The following SPATS2L variants were observed in gnomAD, a reference collection of about 807,000 sequenced individuals.
The protein encoded by SPATS2L is SPATS2-like protein.
In SPATS2L, 30 loss-of-function variants were observed where a neutral mutation model predicts 59.6. That is an observed-to-expected ratio of 0.50 (90% CI 0.38 to 0.68). The LOEUF (loss-of-function observed/expected upper bound fraction) is 0.68. Among genes scored for constraint, SPATS2L ranks in the 30% least tolerant of loss-of-function variants. The pLI is 0.00. For missense variants in SPATS2L, 615 were observed against 700.0 expected, an observed-to-expected ratio of 0.88 and a Z score of 1.37; for synonymous variants, 252 against 263.5, an observed-to-expected ratio of 0.96 and a Z score of 0.42.
intron 5 of SPATS2L, among the ~76,000 whole-genome samples, chr2:200,418,233 T>C (rs1458246476): frequency 6.6e-6 from 1 of 152,130 alleles, no homozygotes; most frequent in African/African-American, 2.4e-5. Flanking sequence ...GGGGGACTTA[T>C]ATCACTTTGG....
At chr2:200,420,341 A>G (rs897535141) in intron 6 of SPATS2L, among the ~76,000 whole-genome samples, 2 of 152,238 alleles carry the variant, frequency 1.3e-5, no homozygotes, top group Non-Finnish European at 2.9e-5. Flanking sequence ...AATTTCAATA[A>G]ATAAAAATAT....
intron 2 of SPATS2L, among the ~76,000 whole-genome samples, chr2:200,348,971 A>G (rs1049281699): frequency 6.6e-6 from 1 of 151,674 alleles, no homozygotes; most frequent in Non-Finnish European, 1.5e-5. Flanking sequence ...TTTCTTGTGT[A>G]GAAAAATGGA....
At chr2:200,378,351 AG>A in intron 2 of SPATS2L, 1 of 1,002,468 alleles carries the variant, frequency 1.0e-6, no homozygotes, top group South Asian at 4.7e-5. Context: ...CCTGATTTGG[AG>A]CACGAGGAAA....
At chr2:200,423,561 G>A (rs189297043) in intron 6 of SPATS2L, among the ~76,000 whole-genome samples, 147 of 152,164 alleles carry the variant, frequency 9.7e-4, no homozygotes, top group Middle Eastern at 3.4e-3. Context: ...ATTTTATCAG[G>A]TAATGGAGAG....
chr2:200,396,011 GAAAAAAAAAAA>G lies in SPATS2L; in HGVS notation c.39+6741_39+6751del, dbSNP rs1218853084. On this transcript the variant is annotated intron_variant, in intron 3 of 12. Coordinates refer to ENST00000409140, the MANE Select transcript of SPATS2L (RefSeq NM_001100423.2). ...GGGCAAAAGAGTGAGACTCGATCTG[GAAAAAAAAAAA>G]AAAAAAAAAAAATATATATATATAT... Among the ~76,000 whole-genome samples, 3 of 10,592 alleles carry G rather than the reference GAAAAAAAAAAA, an allele frequency of 2.8e-4. No homozygotes were observed. In the South Asian group the frequency reaches 0.022, roughly 79 times the overall value. The allele number at this position is 10,592 out of a possible 152,430, so 6.9% of individuals were successfully genotyped here.
chr2:200,343,513 C>G (rs563549848), intron 2 of SPATS2L, among the ~76,000 whole-genome samples: 1 of 152,208 alleles, frequency 6.6e-6, no homozygotes, highest in South Asian at 2.1e-4. Context: ...GTATATGATG[C>G]CCTTTCTAGA....
chr2:200,374,709 C>T (rs779984631), intron 2 of SPATS2L, among the ~76,000 whole-genome samples: 5 of 152,124 alleles, frequency 3.3e-5, no homozygotes, highest in East Asian at 1.9e-4. Flanking sequence ...TTTGTCTCTA[C>T]GAATCGGCCA....
At chr2:200,423,970 AC>A (rs2083418879) in intron 6 of SPATS2L, among the ~76,000 whole-genome samples, 1 of 152,182 alleles carries the variant, frequency 6.6e-6, no homozygotes, top group Non-Finnish European at 1.5e-5. Context: ...AAAAATCACC[AC>A]CAAAAGCATC....
At chr2:200,417,849 C>T (rs552729579) in intron 5 of SPATS2L, among the ~76,000 whole-genome samples, 3 of 152,296 alleles carry the variant, frequency 2.0e-5, no homozygotes, top group South Asian at 2.1e-4. Context: ...TCAGCTGGCA[C>T]GCACTCATTC....
chr2:200,366,856 T>G (rs1356532193), intron 2 of SPATS2L, among the ~76,000 whole-genome samples: 1 of 152,220 alleles, frequency 6.6e-6, no homozygotes, highest in African/African-American at 2.4e-5. Context: ...ATATCTCAGG[T>G]ACTTCTTGCT....
chr2:200,440,860 A>G, intron 8 of SPATS2L, 76 bp downstream of exon 8: 1 of 1,525,106 alleles, frequency 6.6e-7, no homozygotes, highest in African/African-American at 1.4e-5. Context: ...CAGATGGAAA[A>G]CGTTGTTTAT....
chr2:200,450,294 A>G (rs1292011231), intron 8 of SPATS2L, among the ~76,000 whole-genome samples: 1 of 152,140 alleles, frequency 6.6e-6, no homozygotes, highest in East Asian at 1.9e-4. Context: ...GCATTTGGGA[A>G]ATTTCTTTTC....
At position 200,473,923 on chromosome 2, in the gene SPATS2L, C is replaced by T. The variant is rs1574751302; in HGVS notation, c.1281+871C>T. ...GCTGAGGCAGGAGAATTGCTTGAACCCGGGAGGCGGAGGTTTCAGTGAGCC... is the reference window on the plus strand; with the variant it reads ...GCTGAGGCAGGAGAATTGCTTGAACTCGGGAGGCGGAGGTTTCAGTGAGCC... On this transcript the variant is annotated intron_variant, in intron 12 of 12. Transcript: ENST00000409140. Among the ~76,000 whole-genome samples, 4 of 152,104 alleles carry T rather than the reference C, an allele frequency of 2.6e-5. No homozygotes were observed. The South Asian group carries it at 8.3e-4, about 32-fold the overall frequency.
At chr2:200,409,739 T>C (rs186363624) in intron 3 of SPATS2L, among the ~76,000 whole-genome samples, 2 of 152,366 alleles carry the variant, frequency 1.3e-5, no homozygotes, top group East Asian at 3.9e-4. Flanking sequence ...TATCTGATAT[T>C]CAGTTAGATT....
chr2:200,463,638 G>A (rs2086393231), intron 9 of SPATS2L, among the ~76,000 whole-genome samples: 1 of 152,200 alleles, frequency 6.6e-6, no homozygotes, highest in South Asian at 2.1e-4. Context: ...AAGAAACCAA[G>A]TGTGTTGTAG....
chr2:200,313,641 G>A (rs1482002000), intron 1 of SPATS2L, among the ~76,000 whole-genome samples: 1 of 152,124 alleles, frequency 6.6e-6, no homozygotes, highest in Non-Finnish European at 1.5e-5. Flanking sequence ...AACGATGAAC[G>A]CTTTTGGTCG....
At chr2:200,456,606 T>TA (rs2085850548) in intron 8 of SPATS2L, among the ~76,000 whole-genome samples, 1 of 152,168 alleles carries the variant, frequency 6.6e-6, no homozygotes, top group South Asian at 2.1e-4. Flanking sequence ...ACAAAAGTGT[T>TA]ACGATGGTCT....
At position 200,316,555 on chromosome 2, in the gene SPATS2L, C is replaced by T. The variant is rs575170337; in HGVS notation, c.-73+9633C>T. Among the ~76,000 whole-genome samples, 13 of 152,328 alleles carry T rather than the reference C, an allele frequency of 8.5e-5. No individual in the cohort carries two copies. In the South Asian group the frequency reaches 2.5e-3, roughly 29 times the overall value. On this transcript the variant is annotated intron_variant, in intron 1 of 12. Transcript: ENST00000409140. ...AGGCTTAGCGACTTCGCGGACCAAC[C>T]ATGCAGTTTGCCTTGTCCAGGTAGT...
intron 3 of SPATS2L, among the ~76,000 whole-genome samples, chr2:200,396,820 C>A (rs1247084313): frequency 6.6e-6 from 1 of 152,226 alleles, no homozygotes; most frequent in Non-Finnish European, 1.5e-5. Flanking sequence ...AACAAGAACA[C>A]AAGCCACACA....
Sources: allele counts gnomAD v4.1 joint callset (sites outside exome capture counted in the v4.1 genomes callset), GRCh38; gene constraint gnomAD v4.1.1; transcripts MANE v1.5; gene names NCBI Gene and HGNC (gene_info 2026-07-23, HGNC 2026-07-21).